Variants in PCDHGA9 observed in about 807,000 individuals in gnomAD.
PCDHGA9 encodes the protein protocadherin gamma subfamily A, 9.
PCDHGA9 carries 37 observed loss-of-function variants against 62.5 expected under a neutral mutation model. The ratio of observed to expected loss-of-function variants is 0.59; its 90% CI spans 0.46 to 0.78. The LOEUF (loss-of-function observed/expected upper bound fraction) is 0.78, where lower values mean the gene tolerates loss of function less well. Among genes scored for constraint, PCDHGA9 ranks in the 30% least tolerant of loss-of-function variants. PCDHGA9 has a pLI of 0.00. For missense variants in PCDHGA9, 1,138 were observed against 1,166.2 expected (o/e 0.98, Z 0.35); for synonymous variants, 459 against 484.6 (o/e 0.95, Z 0.69).
chr5:141,421,901 G>A lies in PCDHGA9; in HGVS notation c.2424+16525G>A. ...GATGGAGGCGATCCCATCCGAAAGG[G>A]CGCAGTTCCCATTCGTGTGGTGGTC... is the stretch of plus-strand genomic sequence containing the variant. On this transcript the variant is annotated intron_variant, in intron 1 of 3. Coordinates refer to ENST00000573521, the MANE Select transcript of PCDHGA9 (RefSeq NM_018921.3). 1.9e-6 allele frequency: 3 copies of A among 1,613,724 alleles called. No individual in the cohort carries two copies. Among genetic ancestry groups the A allele is most frequent in the East Asian group, 2.2e-5 (1 of 44,880 alleles).
chr5:141,455,798 T>TA (rs2098831882), intron 1 of PCDHGA9, among the ~76,000 whole-genome samples: 1 of 152,036 alleles, frequency 6.6e-6, no homozygotes, highest in African/African-American at 2.4e-5. Flanking sequence ...GGAGATGCTT[T>TA]AAAAAATGAA....
In PCDHGA9 at chr5:141,432,287, G is replaced by A. The variant is rs189131107; in HGVS notation, c.2424+26911G>A. On this transcript the variant is annotated intron_variant, in intron 1 of 3. Transcript: ENST00000573521. This position sits in a 1 kb window ranked among gnomAD's most constrained non-coding sequence, Gnocchi z 6.0. ...ATCGTCCTACGTGTCCATCAACTCC[G>A]ACACTGGGGTACTGTATGCGCTGAG... The A allele has an allele frequency of 2.3e-4, 365 of 1,614,216 alleles. 2 individuals carry two copies. In the East Asian group the frequency reaches 6.5e-3, roughly 29 times the overall value.
At chr5:141,417,068 T>C (rs1433034146) in intron 1 of PCDHGA9, 1 of 152,154 alleles carries the variant, frequency 6.6e-6, no homozygotes, top group African/African-American at 2.4e-5. Context: ...ATTGTAGCTA[T>C]TGTGAGAAAA....
rs201408987 is a variant in PCDHGA9, at chr5:141,476,857, C to T, written c.2425-17950C>T. 12 of 1,613,768 alleles carry T rather than the reference C, an allele frequency of 7.4e-6. No individual in the cohort carries two copies. The highest frequency in any genetic ancestry group is 1.0e-5 in the Non-Finnish European group (12 of 1,180,054). ...ACAATGCGCCTGTCTTCAACCAGTC[C>T]TTGTACCGGGCGCGCGTCCTGGAGG... On this transcript the variant is annotated intron_variant, in intron 1 of 3. Transcript: ENST00000573521. The surrounding 1 kb of genome is among the most constrained non-coding windows in gnomAD (Gnocchi z 7.6).
At position 141,491,381 on chromosome 5, in the gene PCDHGA9, C is replaced by CT. The variant is rs1554177905; in HGVS notation, c.2425-3426_2425-3425insT. The CT allele has an allele frequency of 2.8e-5, 45 of 1,614,068 alleles. No individual in the cohort carries two copies. Among genetic ancestry groups the CT allele is most frequent in the Non-Finnish European group, 3.5e-5 (41 of 1,179,950 alleles). On this transcript the variant is annotated intron_variant, in intron 1 of 3. Coordinates refer to ENST00000573521, the MANE Select transcript of PCDHGA9 (RefSeq NM_018921.3). This position sits in a 1 kb window ranked among gnomAD's most constrained non-coding sequence, Gnocchi z 6.9. ...CTAGTCACCTTCACCTTTCTGTCAG[C>CT]GAAGTGCCTTCAGGGAAACGCAGAC...
At chr5:141,433,694 G>T (rs539494151) in intron 1 of PCDHGA9, among the ~76,000 whole-genome samples, 1 of 152,126 alleles carries the variant, frequency 6.6e-6, no homozygotes, top group South Asian at 2.1e-4. Flanking sequence ...AAAATTAGCC[G>T]GGCGTGGTGG....
chr5:141,502,866 C>CTT (rs549047197), intron 2 of PCDHGA9, among the ~76,000 whole-genome samples: 3 of 128,046 alleles, frequency 2.3e-5, no homozygotes, highest in Non-Finnish European at 3.2e-5. Flanking sequence ...GACTCTCTGT[C>CTT]TTTTTTTTTT....
chr5:141,478,987 G>T (rs1007857792), intron 1 of PCDHGA9, among the ~76,000 whole-genome samples: 8 of 152,144 alleles, frequency 5.3e-5, no homozygotes, highest in African/African-American at 1.4e-4. Flanking sequence ...TGTGACATTT[G>T]TATTAAAACT....
intron 1 of PCDHGA9, among the ~76,000 whole-genome samples, chr5:141,445,961 G>T (rs944876169): frequency 1.3e-5 from 2 of 152,158 alleles, no homozygotes; most frequent in Non-Finnish European, 2.9e-5. Context: ...GCTATATGGA[G>T]AATTGATTTA....
rs756524085 is a variant in PCDHGA9, at chr5:141,405,037, G to C, written c.2085G>C (p.Val695=). ...CAGACCTTACCCTCTACCTCGTTGT[G>C]GCTGTGGCAGTCGTCTCCTGTGTCT... ...EASDLTLYLV[V]AVAVVSCVFL... is the part of the protein sequence containing the mutation. The change falls in exon 1 of 4, where the codon GTG becomes GTC. Residue 695 remains valine (V), a synonymous_variant. Transcript: ENST00000573521. 3.1e-6 allele frequency: 5 copies of C among 1,613,856 alleles called. No homozygotes were observed. Among genetic ancestry groups the C allele is most frequent in the Non-Finnish European group, 4.2e-6 (5 of 1,179,870 alleles).
In PCDHGA9 at chr5:141,431,118, A is replaced by T. The variant is rs2097344347; in HGVS notation, c.2424+25742A>T. On this transcript the variant is annotated intron_variant, in intron 1 of 3. Coordinates refer to ENST00000573521, the MANE Select transcript of PCDHGA9 (RefSeq NM_018921.3). This position sits in a 1 kb window ranked among gnomAD's most constrained non-coding sequence, Gnocchi z 4.8. ...GATAAAGTGAAAATATATGGAGTAG[A>T]AGTAGAAGTAAGGGACATTAACGAC... is the stretch of plus-strand genomic sequence containing the variant. The T allele has an allele frequency of 6.2e-7, 1 of 1,614,182 alleles. No homozygotes were observed. Among genetic ancestry groups the T allele is most frequent in the African/African-American group, 1.3e-5 (1 of 75,070 alleles).
intron 1 of PCDHGA9, among the ~76,000 whole-genome samples, chr5:141,482,530 C>CAAAAAAAAAA (rs3074545): frequency 1.2e-3 from 90 of 76,428 alleles, no homozygotes; most frequent in African/African-American, 1.7e-3. Context: ...GACAGACATG[C>CAAAAAAAAAA]AAAAAAAAAA....
intron 1 of PCDHGA9, chr5:141,417,942 C>T (rs1324501154): frequency 2.5e-6 from 4 of 1,613,090 alleles, no homozygotes; most frequent in South Asian, 1.1e-5. Context: ...TTCTACCCCA[C>T]GCTGTGTGAG....
In PCDHGA9 at chr5:141,487,259, T is replaced by A. The variant is rs2099641960; in HGVS notation, c.2425-7548T>A. 1.9e-6 allele frequency: 3 copies of A among 1,614,014 alleles called. No individual in the cohort carries two copies. The highest frequency in any genetic ancestry group is 1.3e-5 in the African/African-American group (1 of 74,926). ...TCGTCTAACCCTCTACTTGGCTGTGTCCCTAGTGGCAATTTGCTTTGTCTC... is the reference window on the plus strand; with the variant it reads ...TCGTCTAACCCTCTACTTGGCTGTGACCCTAGTGGCAATTTGCTTTGTCTC... On this transcript the variant is annotated intron_variant, in intron 1 of 3. Coordinates refer to ENST00000573521, the MANE Select transcript of PCDHGA9 (RefSeq NM_018921.3). The surrounding 1 kb of genome is among the most constrained non-coding windows in gnomAD (Gnocchi z 5.0).
Position 141,487,321 on chromosome 5 carries a change from T to C in PCDHGA9, c.2425-7486T>C. 1.2e-6 allele frequency: 2 copies of C among 1,614,198 alleles called. No individual in the cohort carries two copies. The highest frequency in any genetic ancestry group is 1.7e-6 in the Non-Finnish European group (2 of 1,180,040). Reference sequence around the variant, plus strand: ...TCGTGGCACTACTCTCTAAGTGTCTTCGTGGGGCAGCCTGTGGAGTCACAT... The same window carrying C: ...TCGTGGCACTACTCTCTAAGTGTCTCCGTGGGGCAGCCTGTGGAGTCACAT... On this transcript the variant is annotated intron_variant, in intron 1 of 3. Transcript: ENST00000573521. The surrounding 1 kb of genome is among the most constrained non-coding windows in gnomAD (Gnocchi z 5.0).
At chr5:141,468,746 G>A (rs1298497433) in intron 1 of PCDHGA9, among the ~76,000 whole-genome samples, 1 of 151,850 alleles carries the variant, frequency 6.6e-6, no homozygotes, top group Non-Finnish European at 1.5e-5. Flanking sequence ...GGTGCCTGTA[G>A]TCCCAGCTAC....
At chr5:141,507,121 G>A (rs940889204) in intron 3 of PCDHGA9, 1 of 152,126 alleles carries the variant, frequency 6.6e-6, no homozygotes, top group African/African-American at 2.4e-5. Flanking sequence ...GGCTGCCTTT[G>A]GATCCAGCCT....
In PCDHGA9 at chr5:141,490,584, T is replaced by C; in HGVS notation, c.2425-4223T>C. The stretch of plus-strand genomic sequence containing the variant: ...TCAGGCTCAACATTTCAGATGTCAA[T>C]GACAATGCACCCCGCTTCAACCAGC... On this transcript the variant is annotated intron_variant, in intron 1 of 3. Coordinates refer to ENST00000573521, the MANE Select transcript of PCDHGA9 (RefSeq NM_018921.3). The surrounding 1 kb of genome is among the most constrained non-coding windows in gnomAD (Gnocchi z 5.4). 6.2e-7 allele frequency: 1 copy of C among 1,614,170 alleles called. No individual in the cohort carries two copies. Among genetic ancestry groups the C allele is most frequent in the South Asian group, 1.1e-5 (1 of 91,080 alleles).
chr5:141,485,362 G>T lies in PCDHGA9; in HGVS notation c.2425-9445G>T. 6.2e-7 allele frequency: 1 copy of T among 1,614,144 alleles called. No individual in the cohort carries two copies. ...ATACGGACAGTCTGTCAGCTCGCAG[G>T]CTGCAGGTCGCTGGAGAGGTGAACC... is the stretch of plus-strand genomic sequence containing the variant. On this transcript the variant is annotated intron_variant, in intron 1 of 3. Coordinates refer to ENST00000573521, the MANE Select transcript of PCDHGA9 (RefSeq NM_018921.3). The surrounding 1 kb of genome is among the most constrained non-coding windows in gnomAD (Gnocchi z 5.7).
Sources: gnomAD v4.1 joint callset for allele counts (sites outside exome capture counted in the v4.1 genomes callset) on GRCh38, gnomAD v4.1.1 for gene constraint, Gnocchi (gnomAD v3.1) non-coding constraint, MANE v1.5 for transcripts, NCBI Gene and HGNC (gene_info 2026-07-23, HGNC 2026-07-21) for gene names.